Variants in TENM1 observed in about 807,000 individuals in gnomAD.
TENM1 encodes the protein teneurin transmembrane protein 1.
TENM1 carries 35 observed loss-of-function variants against 174.8 expected under a neutral mutation model. The ratio of observed to expected loss-of-function variants is 0.20; its 90% CI spans 0.15 to 0.27. TENM1 has a LOEUF of 0.27. Among genes scored for constraint, TENM1 ranks in the 10% least tolerant of loss-of-function variants. The pLI is 1.00. For synonymous variants in TENM1, 781 were observed against 798.7 expected, an observed-to-expected ratio of 0.98 and a Z score of 0.37; for missense variants, 1,633 against 2,130.1, an observed-to-expected ratio of 0.77 and a Z score of 4.59.
intron 20 of TENM1, among the ~76,000 whole-genome samples, chrX:124,494,865 G>C (rs1185559221): frequency 2.1e-4 from 22 of 102,351 alleles, no homozygotes; most frequent in African/African-American, 7.1e-4. Flanking sequence ...TGGCTGCATA[G>C]TATTCCATGG....
chrX:125,062,928 T>C, the TENM1 span, among the ~76,000 whole-genome samples: 1 of 112,382 alleles, frequency 8.9e-6, no homozygotes, highest in South Asian at 3.7e-4. Flanking sequence ...AAGTATCTTA[T>C]AATATGCTAT....
intron 22 of TENM1, among the ~76,000 whole-genome samples, chrX:124,478,211 T>C (rs1407881459): frequency 1.8e-5 from 2 of 112,538 alleles, no homozygotes; most frequent in African/African-American, 6.4e-5. Flanking sequence ...TCTATCTTCG[T>C]GTTCGGGTAA....
At chrX:125,133,201 C>A in the TENM1 span, among the ~76,000 whole-genome samples, 1 of 110,539 alleles carries the variant, frequency 9.0e-6, no homozygotes, top group African/African-American at 3.3e-5. Context: ...TCACCGTGTT[C>A]GTCAGGATGG....
chrX:124,962,063 T>C (rs891468700), intron 1 of TENM1, among the ~76,000 whole-genome samples: 13 of 111,411 alleles, frequency 1.2e-4, no homozygotes, highest in African/African-American at 4.2e-4. Flanking sequence ...CAGATGTAGG[T>C]GATACAAGGA....
chrX:125,145,938 T>C, the TENM1 span, among the ~76,000 whole-genome samples: 1 of 112,257 alleles, frequency 8.9e-6, no homozygotes, highest in African/African-American at 3.2e-5. Flanking sequence ...AGAGACCTTT[T>C]AATTGACACA....
the TENM1 span, among the ~76,000 whole-genome samples, chrX:125,032,072 C>T: frequency 9.0e-6 from 1 of 110,746 alleles, no homozygotes; most frequent in Non-Finnish European, 1.9e-5. Context: ...TGGTGGGAGG[C>T]GGGGTGGTAG....
chrX:124,609,835 T>C (rs956830635), intron 11 of TENM1, among the ~76,000 whole-genome samples: 12 of 111,645 alleles, frequency 1.1e-4, no homozygotes, highest in African/African-American at 3.9e-4. Context: ...CAAGGAGGCA[T>C]GAATCTAAGG....
At chrX:124,913,563 C>T (rs933244385) in intron 1 of TENM1, among the ~76,000 whole-genome samples, 9 of 111,774 alleles carry the variant, frequency 8.1e-5, no homozygotes, top group Admixed American at 7.6e-4. Flanking sequence ...CATGTGCACA[C>T]AATTCTCACA....
At chrX:124,754,806 G>C (rs1260988282) in intron 3 of TENM1, among the ~76,000 whole-genome samples, 1 of 105,734 alleles carries the variant, frequency 9.5e-6, no homozygotes, top group East Asian at 2.9e-4. Context: ...TTTTGAGTGA[G>C]TTTCTTAATC....
At chrX:124,865,788 T>C (rs1231512934) in intron 3 of TENM1, among the ~76,000 whole-genome samples, 1 of 110,779 alleles carries the variant, frequency 9.0e-6, no homozygotes. Flanking sequence ...AAAGCACACA[T>C]AGACTGAAAA....
At chrX:125,078,667 A>G in the TENM1 span, among the ~76,000 whole-genome samples, 1 of 111,588 alleles carries the variant, frequency 9.0e-6, no homozygotes, top group Non-Finnish European at 1.9e-5. Flanking sequence ...TCTTCAAACT[A>G]AATCCATAGT....
exon 26 of TENM1, chrX:124,406,338 T>C: frequency 8.3e-7 from 1 of 1,209,428 alleles, no homozygotes; most frequent in Non-Finnish European, 1.1e-6. Context: ...ATATATATGG[T>C]ACTAGTTGCC....
At chrX:124,869,696 T>C (rs1390851467) in intron 3 of TENM1, among the ~76,000 whole-genome samples, 1 of 110,875 alleles carries the variant, frequency 9.0e-6, no homozygotes, top group Non-Finnish European at 1.9e-5. Context: ...CTGGAGATCA[T>C]TATGTTAAGT....
upstream of TENM1, among the ~76,000 whole-genome samples, chrX:124,964,637 T>C (rs148366037): frequency 6.9e-4 from 77 of 111,813 alleles, no homozygotes; most frequent in Non-Finnish European, 1.3e-3. Flanking sequence ...TTAACTGCTC[T>C]ACTTAGCACG....
intron 15 of TENM1, among the ~76,000 whole-genome samples, chrX:124,546,075 A>G (rs942325782): frequency 3.6e-5 from 4 of 111,586 alleles, no homozygotes; most frequent in African/African-American, 1.3e-4. Flanking sequence ...TTCTTGGGGA[A>G]TGATAACTCC....
At chrX:124,398,342 AT>A (rs200247452) in intron 27 of TENM1, among the ~76,000 whole-genome samples, 123 of 105,448 alleles carry the variant, frequency 1.2e-3, no homozygotes, top group East Asian at 4.8e-3. Flanking sequence ...AATTCCACAG[AT>A]TTTTTTTTTT....
chrX:124,635,224 A>G (rs952510382), intron 11 of TENM1, among the ~76,000 whole-genome samples: 11 of 111,902 alleles, frequency 9.8e-5, no homozygotes, highest in African/African-American at 3.6e-4. Flanking sequence ...GAGGTGGCTA[A>G]GACTAAAAGA....
chrX:124,573,437 A>C (rs2049099983), intron 11 of TENM1, among the ~76,000 whole-genome samples: 1 of 111,856 alleles, frequency 8.9e-6, no homozygotes, highest in South Asian at 3.7e-4. Flanking sequence ...TTTTAAAGCA[A>C]AGTAGTGGGT....
chrX:124,780,335 G>A (rs904131150), intron 3 of TENM1, among the ~76,000 whole-genome samples: 1 of 112,204 alleles, frequency 8.9e-6, no homozygotes, highest in Non-Finnish European at 1.9e-5. Flanking sequence ...AAGAAATATA[G>A]TTCTGCTAGA....
Sources: allele counts gnomAD v4.1 joint callset (sites outside exome capture counted in the v4.1 genomes callset), GRCh38; gene constraint gnomAD v4.1.1; transcripts MANE v1.5; gene names NCBI Gene and HGNC (gene_info 2026-07-23, HGNC 2026-07-21).